Variants in PEPD observed in about 807,000 individuals in gnomAD.
The protein encoded by PEPD is xaa-Pro dipeptidase.
In PEPD, 53 loss-of-function variants were observed where a neutral mutation model predicts 60.7. The observed-to-expected ratio is 0.87, with a 90% CI of 0.70 to 1.10. PEPD has a LOEUF of 1.10. Among genes scored for constraint, PEPD ranks in the 50% least tolerant of loss-of-function variants. PEPD has a pLI of 0.00. For missense variants in PEPD, 711 were observed against 711.9 expected, an observed-to-expected ratio of 1.00 and a Z score of 0.01; for synonymous variants, 267 against 284.1, an observed-to-expected ratio of 0.94 and a Z score of 0.60.
chr19:33,394,887 A>G (rs1600079017), intron 12 of PEPD, among the ~76,000 whole-genome samples: 2 of 152,156 alleles, frequency 1.3e-5, no homozygotes, highest in South Asian at 4.1e-4. Context: ...GCACCCCTGC[A>G]CCTGCCCCAC....
chr19:33,401,061 G>A (rs1968477401), intron 12 of PEPD, among the ~76,000 whole-genome samples: 1 of 152,166 alleles, frequency 6.6e-6, no homozygotes, highest in Non-Finnish European at 1.5e-5. Flanking sequence ...GTACCAGTGG[G>A]GCCTGTGCAG....
intron 3 of PEPD, among the ~76,000 whole-genome samples, chr19:33,503,231 C>A (rs1338606497): frequency 1.3e-5 from 2 of 152,200 alleles, no homozygotes; most frequent in African/African-American, 4.8e-5. Context: ...GGAGCAACAA[C>A]AAGGAGCACT....
chr19:33,517,657 GATCTCTGCAC>G, intron 1 of PEPD, among the ~76,000 whole-genome samples: 1 of 151,832 alleles, frequency 6.6e-6, no homozygotes, highest in South Asian at 2.1e-4. Context: ...GACAAGGAAA[GATCTCTGCAC>G]TAGAATGTGG....
chr19:33,415,580 T>C (rs902715526), intron 9 of PEPD, among the ~76,000 whole-genome samples: 5 of 152,088 alleles, frequency 3.3e-5, no homozygotes, highest in Admixed American at 1.3e-4. Context: ...CTTGGCTCTC[T>C]CGCCTGCAGC....
At chr19:33,435,779 G>A (rs1412059749) in intron 9 of PEPD, among the ~76,000 whole-genome samples, 2 of 152,194 alleles carry the variant, frequency 1.3e-5, no homozygotes, top group Non-Finnish European at 2.9e-5. Flanking sequence ...CAGAGGCCGT[G>A]CAGCCCAACC....
intron 11 of PEPD, among the ~76,000 whole-genome samples, chr19:33,405,099 G>C (rs1420104219): frequency 6.6e-6 from 1 of 152,200 alleles, no homozygotes; most frequent in African/African-American, 2.4e-5. Flanking sequence ...GAGACAGGAT[G>C]CATCTCCAAA....
intron 7 of PEPD, among the ~76,000 whole-genome samples, chr19:33,464,429 G>T (rs527439748): frequency 6.6e-6 from 1 of 152,202 alleles, no homozygotes; most frequent in Admixed American, 6.5e-5. Context: ...AATCTACATG[G>T]CATGGCTACT....
At chr19:33,441,085 A>G (rs1969472131) in intron 9 of PEPD, among the ~76,000 whole-genome samples, 1 of 152,298 alleles carries the variant, frequency 6.6e-6, no homozygotes, top group Non-Finnish European at 1.5e-5. Flanking sequence ...ACAACCCTAC[A>G]GGTAATGTTT....
At chr19:33,390,573 T>C (rs974235065) in intron 13 of PEPD, among the ~76,000 whole-genome samples, 6 of 152,098 alleles carry the variant, frequency 3.9e-5, no homozygotes, top group South Asian at 4.1e-4. Context: ...GCCCCCTGCA[T>C]TGGGCAGCCC....
intron 14 of PEPD, 117 bp from the exon 15 acceptor site, chr19:33,387,598 G>T: frequency 7.4e-7 from 1 of 1,352,202 alleles, no homozygotes; most frequent in Admixed American, 1.7e-5. Context: ...CACTCCCTGG[G>T]AGACGGGTGG....
chr19:33,459,857 C>T (rs1446660998), intron 9 of PEPD, among the ~76,000 whole-genome samples: 2 of 152,164 alleles, frequency 1.3e-5, no homozygotes, highest in African/African-American at 4.8e-5. Context: ...GAGCTCCCTG[C>T]CTTCATGCCC....
chr19:33,507,636 T>A (rs1342986007), intron 3 of PEPD, among the ~76,000 whole-genome samples: 2 of 151,992 alleles, frequency 1.3e-5, no homozygotes, highest in African/African-American at 4.8e-5. Flanking sequence ...GAGCTGAAGG[T>A]CAAATGTGAA....
At chr19:33,475,768 C>A (rs559334766) in intron 7 of PEPD, among the ~76,000 whole-genome samples, 16 of 152,302 alleles carry the variant, frequency 1.1e-4, no homozygotes, top group African/African-American at 3.9e-4. Flanking sequence ...AGGATTTATT[C>A]TTCTGCCAAA....
intron 3 of PEPD, among the ~76,000 whole-genome samples, chr19:33,507,049 C>A (rs1198777805): frequency 7.2e-5 from 11 of 151,968 alleles, no homozygotes; most frequent in Non-Finnish European, 1.5e-5. Flanking sequence ...CATATGCACA[C>A]ACAGCCCCCC....
At chr19:33,426,490 C>A (rs909877073) in intron 9 of PEPD, among the ~76,000 whole-genome samples, 1 of 152,260 alleles carries the variant, frequency 6.6e-6, no homozygotes, top group Admixed American at 6.5e-5. Context: ...GCAGCCCCTG[C>A]AACTCACTCA....
intron 1 of PEPD, among the ~76,000 whole-genome samples, chr19:33,518,467 G>A (rs950402259): frequency 5.9e-5 from 9 of 152,146 alleles, no homozygotes; most frequent in Non-Finnish European, 1.0e-4. Flanking sequence ...TGTAACCTAC[G>A]GCTCAACAGG....
chr19:33,508,098 C>A (rs1214716748), intron 3 of PEPD, among the ~76,000 whole-genome samples: 3 of 152,124 alleles, frequency 2.0e-5, no homozygotes, highest in Admixed American at 6.5e-5. Context: ...CTCCCTGAAG[C>A]TGTTTCTCCT....
At chr19:33,455,093 T>C (rs1969771748) in intron 9 of PEPD, among the ~76,000 whole-genome samples, 1 of 152,152 alleles carries the variant, frequency 6.6e-6, no homozygotes, top group Non-Finnish European at 1.5e-5. Flanking sequence ...GTCTCCCAGA[T>C]GGGATCCTGG....
At chr19:33,389,460 AC>A (rs150086605) in intron 13 of PEPD, among the ~76,000 whole-genome samples, 20,283 of 151,882 alleles carry the variant, frequency 0.13, 1,821 homozygotes, top group Admixed American at 0.24. Context: ...CTGCTCCAGG[AC>A]CTTCCCGTCC....
Sources: allele counts gnomAD v4.1 joint callset (sites outside exome capture counted in the v4.1 genomes callset), GRCh38; gene constraint gnomAD v4.1.1; transcripts MANE v1.5; gene names NCBI Gene and HGNC (gene_info 2026-07-23, HGNC 2026-07-21).